EFNA5: variants seen among roughly 807,000 people sequenced by gnomAD.
EFNA5 encodes the protein ephrin A5.
A neutral mutation model predicts 22.9 loss-of-function variants in EFNA5; 5 were observed. That is an observed-to-expected ratio of 0.22 (90% confidence interval 0.11 to 0.46). The LOEUF is 0.46. Ranked by LOEUF, EFNA5 falls within the 20% of genes least tolerant of loss-of-function variation. EFNA5 has a pLI of 0.99. For synonymous variants in EFNA5, 113 were observed against 112.2 expected, an observed-to-expected ratio of 1.01 and a Z score of -0.04; for missense variants, 237 against 293.3, an observed-to-expected ratio of 0.81 and a Z score of 1.40.
intron 1 of EFNA5, among the ~76,000 whole-genome samples, chr5:107,503,775 T>C (rs1747192830): frequency 6.6e-6 from 1 of 152,232 alleles, no homozygotes; most frequent in Non-Finnish European, 1.5e-5. Context: ...TTAATATTTT[T>C]TATTACTAAA....
At chr5:107,482,868 CTCTATATATATATA>C (rs1270440624) in intron 1 of EFNA5, among the ~76,000 whole-genome samples, 1 of 42,916 alleles carries the variant, frequency 2.3e-5, no homozygotes, top group East Asian at 1.0e-3. Context: ...CTCTCTCTCT[CTCTATATATATATA>C]TATATATATA....
At chr5:107,599,964 T>G (rs2112511350) in intron 1 of EFNA5, among the ~76,000 whole-genome samples, 1 of 152,338 alleles carries the variant, frequency 6.6e-6, no homozygotes, top group Admixed American at 6.5e-5. Context: ...CTCTCCTCAA[T>G]CTCATGAATA....
At chr5:107,616,823 A>G (rs903198420) in intron 1 of EFNA5, among the ~76,000 whole-genome samples, 9 of 152,216 alleles carry the variant, frequency 5.9e-5, no homozygotes, top group African/African-American at 2.2e-4. Flanking sequence ...TACTCAACAA[A>G]CAAAAATCAC....
intron 1 of EFNA5, among the ~76,000 whole-genome samples, chr5:107,511,002 T>TTGTGTGTGTGTGTGTGTGTGTGTGTGTG (rs71644591): frequency 7.1e-6 from 1 of 140,300 alleles, no homozygotes; most frequent in African/African-American, 2.7e-5. Flanking sequence ...TTCTTTTTCT[T>TTGTGTGTGTGTGTGTGTGTGTGTGTGTG]TGTGTGTGTG....
intron 1 of EFNA5, among the ~76,000 whole-genome samples, chr5:107,514,998 C>G (rs1358368642): frequency 6.6e-6 from 1 of 152,188 alleles, no homozygotes; most frequent in African/African-American, 2.4e-5. Flanking sequence ...CCGGCAGGAA[C>G]TAAGGACTAG....
At chr5:107,582,713 C>A (rs534273179) in intron 1 of EFNA5, among the ~76,000 whole-genome samples, 72 of 149,768 alleles carry the variant, frequency 4.8e-4, no homozygotes, top group African/African-American at 1.7e-3. Context: ...TAAAACTAAA[C>A]ATAATTTCTA....
intron 4 of EFNA5, among the ~76,000 whole-genome samples, chr5:107,381,612 A>C (rs575359960): frequency 3.9e-5 from 6 of 152,292 alleles, no homozygotes; most frequent in Non-Finnish European, 7.4e-5. Context: ...TGAGGGGAAA[A>C]ATTATGCATA....
intron 1 of EFNA5, among the ~76,000 whole-genome samples, chr5:107,569,559 T>TATATATATATATA (rs1748742560): frequency 1.2e-4 from 5 of 42,528 alleles, no homozygotes; most frequent in Non-Finnish European, 2.2e-4. Context: ...ATATATATAT[T>TATATATATATATA]TATATATATA....
chr5:107,606,010 C>G (rs561115363), intron 1 of EFNA5, among the ~76,000 whole-genome samples: 72 of 152,294 alleles, frequency 4.7e-4, no homozygotes, highest in Non-Finnish European at 9.1e-4. Flanking sequence ...TGATCAAAAA[C>G]AGAGACGAGC....
chr5:107,600,641 C>T (rs1343260906), intron 1 of EFNA5, among the ~76,000 whole-genome samples: 1 of 151,972 alleles, frequency 6.6e-6, no homozygotes, highest in African/African-American at 2.4e-5. Flanking sequence ...CATGCACCAC[C>T]ATGCCCCCTT....
chr5:107,638,963 A>T (rs1379627803), intron 1 of EFNA5, among the ~76,000 whole-genome samples: 1 of 152,244 alleles, frequency 6.6e-6, no homozygotes, highest in Non-Finnish European at 1.5e-5. Flanking sequence ...TTTACTTGTC[A>T]ATTAAAATAA....
intron 1 of EFNA5, among the ~76,000 whole-genome samples, chr5:107,471,687 G>T (rs1039768409): frequency 2.0e-5 from 3 of 152,164 alleles, no homozygotes; most frequent in Non-Finnish European, 4.4e-5. Flanking sequence ...TATGGGTAGG[G>T]CAAGGCCATG....
chr5:107,574,811 G>C (rs1748893701), intron 1 of EFNA5, among the ~76,000 whole-genome samples: 1 of 152,224 alleles, frequency 6.6e-6, no homozygotes, highest in Admixed American at 6.5e-5. Flanking sequence ...TTCAATTGTG[G>C]ATGTGAATGC....
At chr5:107,426,060 T>G (rs1343244134) in intron 2 of EFNA5, among the ~76,000 whole-genome samples, 2 of 152,222 alleles carry the variant, frequency 1.3e-5, no homozygotes, top group Non-Finnish European at 2.9e-5. Context: ...ATCTTCATCA[T>G]CAGCAATTGT....
intron 1 of EFNA5, among the ~76,000 whole-genome samples, chr5:107,515,322 C>T (rs62355603): frequency 0.058 from 8,871 of 151,698 alleles, 297 homozygotes; most frequent in Middle Eastern, 0.073. Context: ...CAGATGTGAG[C>T]CCCCATGCCC....
chr5:107,494,576 G>A (rs1248856327), intron 1 of EFNA5, among the ~76,000 whole-genome samples: 1 of 152,262 alleles, frequency 6.6e-6, no homozygotes, highest in African/African-American at 2.4e-5. Context: ...GGGCTGAGGA[G>A]TGCAGGCACA....
chr5:107,655,773 A>T (rs971058448), intron 1 of EFNA5, among the ~76,000 whole-genome samples: 1 of 152,166 alleles, frequency 6.6e-6, no homozygotes, highest in African/African-American at 2.4e-5. Flanking sequence ...ATAGGAAAGC[A>T]GCCCTTTGGC....
At chr5:107,519,672 A>G (rs1747555024) in intron 1 of EFNA5, among the ~76,000 whole-genome samples, 1 of 152,368 alleles carries the variant, frequency 6.6e-6, no homozygotes, top group South Asian at 2.1e-4. Context: ...TGGAAAGCAC[A>G]CACTGCAGAA....
At chr5:107,406,202 T>C (rs1356138073) in intron 2 of EFNA5, among the ~76,000 whole-genome samples, 1 of 150,268 alleles carries the variant, frequency 6.7e-6, no homozygotes, top group Admixed American at 6.7e-5. Flanking sequence ...AATACATATA[T>C]TTGTATATAA....
Sources: gnomAD v4.1 joint callset for allele counts (sites outside exome capture counted in the v4.1 genomes callset) on GRCh38, gnomAD v4.1.1 for gene constraint, MANE v1.5 for transcripts, NCBI Gene and HGNC (gene_info 2026-07-23, HGNC 2026-07-21) for gene names.